NEDD9: variants seen among roughly 807,000 people sequenced by gnomAD.
NEDD9 encodes the protein neural precursor cell expressed, developmentally down-regulated 9.
In NEDD9, 26 loss-of-function variants were observed where a neutral mutation model predicts 76.6. The observed-to-expected ratio is 0.34, with a 90% confidence interval of 0.25 to 0.47. The LOEUF (loss-of-function observed/expected upper bound fraction) is 0.47. Ranked by LOEUF, NEDD9 falls within the 20% of genes least tolerant of loss-of-function variation. The pLI is 1.00. For missense variants in NEDD9, 937 were observed against 1,058.5 expected (o/e 0.89, Z 1.59); for synonymous variants, 392 against 414.2 (o/e 0.95, Z 0.65).
At position 11,305,206 on chromosome 6, in the gene NEDD9, T is replaced by C. The variant is rs749759677; in HGVS notation, c.12+786A>G. On this transcript the variant is annotated intron_variant, in intron 3 of 3. Coordinates refer to the NEDD9 transcript ENST00000397378. The stretch of plus-strand genomic sequence containing the variant: ...ATCGATCTCAATAGATAAGGGAATT[T>C]ACCTTTTTTCATTTTGAGCATGAGT... 1.7e-5 allele frequency: 20 copies of C among 1,178,944 alleles called. No individual in the cohort carries two copies. The South Asian group carries it at 2.5e-4, about 15-fold the overall frequency. 73.0% of individuals were successfully genotyped at this position (1,178,944 alleles called of 1,614,324 possible). A position where few individuals can be genotyped will look rare whatever the true frequency, so the allele number is the denominator to read the frequency against.
In NEDD9 at chr6:11,232,375, G is replaced by C; in HGVS notation, c.12+129C>G. The C allele has an allele frequency of 3.4e-6, 4 of 1,167,372 alleles. No homozygotes were observed. The South Asian group carries it at 5.4e-5, about 16-fold the overall frequency. The allele number at this position is 1,167,372 out of a possible 1,614,324, so 72.3% of individuals were successfully genotyped here. A position where few individuals can be genotyped will look rare whatever the true frequency, so the allele number is the denominator to read the frequency against. ...TGTCTGCTTGCATGTCAACCTCAGT[G>C]ACCGAGACTCATCTTAGAACTCTCC... On this transcript the variant is annotated intron_variant, in intron 1 of 6. Transcript: ENST00000379446.
Position 11,185,663 on chromosome 6 carries a change from C to A in NEDD9, c.2004G>T (p.Gln668His). ...TAATCTCTTGTTCCAACAGCTGGAACTGGCTCAGCTGCAAGGAAGACGAAA... is the reference window on the plus strand; with the variant it reads ...TAATCTCTTGTTCCAACAGCTGGAAATGGCTCAGCTGCAAGGAAGACGAAA... ...KMQLEHHQLS[Q>H]FQLLEQEITK... The change falls in exon 7 of 7, where the codon CAG (glutamine) becomes CAT (histidine). Residue 668 changes from glutamine to histidine, a missense_variant. Physicochemically the swap from Gln to His is conservative, Grantham distance 24. Coordinates refer to ENST00000379446, the MANE Select transcript of NEDD9 (RefSeq NM_006403.4). 2 of 1,614,114 alleles carry A rather than the reference C, an allele frequency of 1.2e-6. No individual in the cohort carries two copies. The highest frequency in any genetic ancestry group is 1.7e-6 in the Non-Finnish European group (2 of 1,179,980).
chr6:11,270,019 T>C (rs1398659999), intron 3 of NEDD9, among the ~76,000 whole-genome samples: 1 of 152,086 alleles, frequency 6.6e-6, no homozygotes, highest in Non-Finnish European at 1.5e-5. Flanking sequence ...CTCTCAGCTA[T>C]TCTGGAGGCT....
chr6:11,265,599 G>C (rs1243093327), intron 3 of NEDD9, among the ~76,000 whole-genome samples: 1 of 152,190 alleles, frequency 6.6e-6, no homozygotes, highest in African/African-American at 2.4e-5. Flanking sequence ...CCTTTTTACA[G>C]AAGAAAAGGC....
At chr6:11,251,007 G>A (rs935723354) in intron 3 of NEDD9, among the ~76,000 whole-genome samples, 1 of 152,168 alleles carries the variant, frequency 6.6e-6, no homozygotes, top group South Asian at 2.1e-4. Flanking sequence ...TTTTTCTGCT[G>A]TAAGGAGACT....
At chr6:11,356,220 G>A (rs1228305550) in intron 1 of NEDD9, among the ~76,000 whole-genome samples, 3 of 152,106 alleles carry the variant, frequency 2.0e-5, no homozygotes, top group Non-Finnish European at 2.9e-5. Flanking sequence ...TTTTCTCTTT[G>A]TTATGGGGCA....
chr6:11,319,556 G>GCACACTCACACACTAACA (rs1486763265), intron 2 of NEDD9, among the ~76,000 whole-genome samples: 11,195 of 127,058 alleles, frequency 0.088, 539 homozygotes, highest in Admixed American at 0.18. Flanking sequence ...ACACTAACAT[G>GCACACTCACACACTAACA]CGGACACACA....
chr6:11,189,076 A>G (rs1284421545), intron 5 of NEDD9, among the ~76,000 whole-genome samples: 1 of 151,770 alleles, frequency 6.6e-6, no homozygotes, highest in East Asian at 1.9e-4. Flanking sequence ...CCTCCCAAGT[A>G]GCTGGGACTA....
intron 1 of NEDD9, among the ~76,000 whole-genome samples, chr6:11,359,631 G>A (rs983130741): frequency 1.3e-5 from 2 of 152,250 alleles, no homozygotes; most frequent in Non-Finnish European, 2.9e-5. Flanking sequence ...AGTCATGACA[G>A]CAGCTCCTCA....
intron 1 of NEDD9, among the ~76,000 whole-genome samples, chr6:11,364,712 A>G (rs1258204126): frequency 6.6e-6 from 1 of 152,120 alleles, no homozygotes; most frequent in Non-Finnish European, 1.5e-5. Flanking sequence ...ACTCTACTGT[A>G]TTAGGATGTA....
At chr6:11,306,011 C>A in exon 3 of NEDD9, 1 of 1,613,900 alleles carries the variant, frequency 6.2e-7, no homozygotes, top group South Asian at 1.1e-5. Context: ...CATTTTGCCC[C>A]AAGGAATGAT....
rs867911329 is a variant in NEDD9 at position 11,238,552 on chromosome 6, C to T, written c.13-24825G>A. Among the ~76,000 whole-genome samples, 6 of 152,352 alleles carry T rather than the reference C, an allele frequency of 3.9e-5. No individual in the cohort carries two copies. In the Middle Eastern group the frequency reaches 0.014, roughly 345 times the overall value. On this transcript the variant is annotated intron_variant, in intron 3 of 3. Coordinates refer to the NEDD9 transcript ENST00000397378. ...TGCACACACCCCTTACTCACGTGCA[C>T]GTTGGAGCCTGTGCGTATGTAGTTC... is the stretch of plus-strand genomic sequence containing the variant.
intron 3 of NEDD9, among the ~76,000 whole-genome samples, chr6:11,248,395 G>C (rs1304233532): frequency 2.6e-5 from 4 of 152,236 alleles, no homozygotes; most frequent in African/African-American, 9.6e-5. Flanking sequence ...ATCACAGCAA[G>C]GATCTAACCA....
At position 11,256,283 on chromosome 6, in the gene NEDD9, C is replaced by T. The variant is rs371430771; in HGVS notation, c.13-42556G>A. Among the ~76,000 whole-genome samples, 98 of 152,270 alleles carry T rather than the reference C, an allele frequency of 6.4e-4. 3 individuals are homozygous for T. In the South Asian group the frequency reaches 0.018, roughly 28 times the overall value. ...CCCCATCTGGCTGGAATCTTCCCGGCGAGACCTTCTCCCATTGGTTCCTCT... is the reference window on the plus strand; with the variant it reads ...CCCCATCTGGCTGGAATCTTCCCGGTGAGACCTTCTCCCATTGGTTCCTCT... On this transcript the variant is annotated intron_variant, in intron 3 of 3. Transcript: ENST00000397378.
At chr6:11,322,933 G>A (rs1761842244) in intron 2 of NEDD9, among the ~76,000 whole-genome samples, 1 of 152,202 alleles carries the variant, frequency 6.6e-6, no homozygotes, top group African/African-American at 2.4e-5. Context: ...TACTACCTGG[G>A]TGGTCTTGGG....
At chr6:11,264,253 T>C (rs1488810174) in intron 3 of NEDD9, among the ~76,000 whole-genome samples, 2 of 152,170 alleles carry the variant, frequency 1.3e-5, no homozygotes, top group African/African-American at 4.8e-5. Context: ...TGGACTCCCA[T>C]CACCTCCTCG....
intron 3 of NEDD9, among the ~76,000 whole-genome samples, chr6:11,244,796 T>C (rs1759777219): frequency 6.6e-6 from 1 of 152,164 alleles, no homozygotes. Flanking sequence ...AATGAGTCCA[T>C]GTGCAAAAAG....
At chr6:11,216,218 T>A (rs908160981) in intron 1 of NEDD9, among the ~76,000 whole-genome samples, 1 of 152,214 alleles carries the variant, frequency 6.6e-6, no homozygotes, top group African/African-American at 2.4e-5. Context: ...AGCTTGTCAG[T>A]GCTGTTAGTA....
chr6:11,203,603 G>A (rs1456336045), intron 2 of NEDD9, among the ~76,000 whole-genome samples: 7 of 152,178 alleles, frequency 4.6e-5, no homozygotes, highest in African/African-American at 1.4e-4. Flanking sequence ...GGCCTAAAAC[G>A]TCTGCAAAAT....
Sources: allele counts gnomAD v4.1 joint callset (sites outside exome capture counted in the v4.1 genomes callset), GRCh38; gene constraint gnomAD v4.1.1; transcripts MANE v1.5; gene names NCBI Gene and HGNC (gene_info 2026-07-23, HGNC 2026-07-21).